The following PABIR3 variants were observed in gnomAD, a reference collection of about 807,000 sequenced individuals.
PABIR3 encodes PABIR family member 1.
PABIR3 carries 20 observed loss-of-function variants against 23.1 expected under a neutral mutation model. The observed-to-expected ratio is 0.86, with a 90% CI of 0.61 to 1.26. The LOEUF (loss-of-function observed/expected upper bound fraction) is 1.26. Ranked by LOEUF, PABIR3 falls within the 50% of genes most tolerant of loss-of-function variation. PABIR3 has a pLI of 0.00. For missense variants in PABIR3, 189 were observed against 195.4 expected (o/e 0.97, Z 0.20); for synonymous variants, 69 against 68.5 (o/e 1.01, Z -0.04).
intron 4 of PABIR3, among the ~76,000 whole-genome samples, chrX:134,836,954 A>T (rs1329804268): frequency 2.7e-5 from 3 of 111,611 alleles, no homozygotes; most frequent in Non-Finnish European, 5.6e-5. Context: ...CTGTAATTCC[A>T]GTGACTTGAG....
At chrX:134,844,149 T>G (rs2082356742) in intron 4 of PABIR3, 1 of 110,236 alleles carries the variant, frequency 9.1e-6, no homozygotes, top group Non-Finnish European at 1.9e-5. Context: ...GGTCTCGAAC[T>G]CCCAACCTCA....
rs1394034281 is a variant in PABIR3 at position 134,811,943 on chromosome X, C to A, written c.111-2828C>A. Among the ~76,000 whole-genome samples the A allele has an allele frequency of 2.7e-4, 30 of 112,313 alleles. No homozygotes were observed. The Admixed American group carries it at 2.8e-3, about 11-fold the overall frequency. On this transcript the variant is annotated intron_variant, in intron 2 of 10. Coordinates refer to ENST00000645433, the MANE Select transcript of PABIR3 (RefSeq NM_001388447.1). ...AAAATATTTACTCTCTGGCCCTTCG[C>A]AGAAAAAGTTTGCCCATCTTCTGGT...
intron 4 of PABIR3, among the ~76,000 whole-genome samples, chrX:134,831,058 A>C (rs1478783362): frequency 9.1e-6 from 1 of 109,311 alleles, no homozygotes; most frequent in African/African-American, 3.3e-5. Context: ...TAAGTTGCAT[A>C]TTTCTTTTTT....
rs2082731476 is a variant in PABIR3 at position 134,854,358 on chromosome X, C to A, written c.*141C>A. The A allele has an allele frequency of 4.5e-6, 3 of 673,540 alleles. No homozygotes were observed. The highest frequency in any genetic ancestry group is 6.0e-6 in the Non-Finnish European group (3 of 496,124). 55.5% of individuals were successfully genotyped at this position (673,540 alleles called of 1,213,427 possible). A position where few individuals can be genotyped will look rare whatever the true frequency, so the allele number is the denominator to read the frequency against. ...CTATCTCCTATTTATCTTTTTTCCT[C>A]AATTTCCTAAAATTCTATTTATCTA... On this transcript the variant is annotated 3_prime_UTR_variant, in exon 11 of 11. Transcript: ENST00000645433.
chrX:134,810,060 G>A (rs1288617158), intron 2 of PABIR3: 1 of 753,940 alleles, frequency 1.3e-6, no homozygotes, highest in Non-Finnish European at 1.6e-6. Flanking sequence ...CACTCTACTA[G>A]TAGAAGAGAG....
intron 3 of PABIR3, among the ~76,000 whole-genome samples, chrX:134,820,763 G>A (rs1217036173): frequency 2.7e-5 from 3 of 110,891 alleles, no homozygotes; most frequent in Non-Finnish European, 5.6e-5. Context: ...GCTCACGCCT[G>A]TAATCCCAGC....
intron 2 of PABIR3, 106 bp downstream of exon 2, chrX:134,807,814 G>GT: frequency 2.3e-6 from 2 of 859,634 alleles, no homozygotes. Context: ...GGTTCTGCAG[G>GT]TAACTCCCTT....
Position 134,843,562 on chromosome X carries a change from C to CTT in PABIR3, c.247-1621_247-1620dup, listed in dbSNP as rs140467304. Among the ~76,000 whole-genome samples, 34 of 42,211 alleles carry CTT rather than the reference C, an allele frequency of 8.1e-4. 1 individual carries two copies. The highest frequency in any genetic ancestry group is 1.3e-3 in the African/African-American group (14 of 10,457). 36.7% of individuals were successfully genotyped at this position (42,211 alleles called of 115,157 possible). On this transcript the variant is annotated intron_variant, in intron 4 of 10. Coordinates refer to ENST00000645433, the MANE Select transcript of PABIR3 (RefSeq NM_001388447.1). ...TCATGTATTATGTAAAGGCTTATTT[C>CTT]TTTTTTTTTTTTTTTTTTTTTTTGA... is the stretch of plus-strand genomic sequence containing the variant.
At chrX:134,800,518 G>T (rs1182077366) in intron 1 of PABIR3, among the ~76,000 whole-genome samples, 1 of 111,507 alleles carries the variant, frequency 9.0e-6, no homozygotes. Context: ...TTGGCCAGGC[G>T]TGGTGGCTCA....
chrX:134,861,511 A>G, the PABIR3 span, among the ~76,000 whole-genome samples: 1 of 105,285 alleles, frequency 9.5e-6, no homozygotes, highest in Non-Finnish European at 1.9e-5. Flanking sequence ...TCTCTACTAA[A>G]AATACAAAAA....
chrX:134,811,742 A>C (rs2080683072), intron 2 of PABIR3, among the ~76,000 whole-genome samples: 1 of 111,587 alleles, frequency 9.0e-6, no homozygotes, highest in Non-Finnish European at 1.9e-5. Flanking sequence ...CCTCAATTCT[A>C]TTTGAAAGGC....
intron 1 of PABIR3, among the ~76,000 whole-genome samples, chrX:134,797,977 G>A (rs997980420): frequency 5.4e-5 from 6 of 110,662 alleles, no homozygotes; most frequent in Non-Finnish European, 1.1e-4. Flanking sequence ...CTGCCACCAC[G>A]CCTGGTTAAT....
Position 134,821,642 on chromosome X carries a change from G to A in PABIR3, c.189+6793G>A, listed in dbSNP as rs1447327290. On this transcript the variant is annotated intron_variant, in intron 3 of 10. Coordinates refer to ENST00000645433, the MANE Select transcript of PABIR3 (RefSeq NM_001388447.1). ...AGGCCTACTGACATCTGTCTCATTA[G>A]GTTTTGCTTTTCCTATTGGCAACCA... 2.7e-6 allele frequency: 3 copies of A among 1,099,032 alleles called. No individual in the cohort carries two copies. The East Asian group carries it at 1.1e-4, about 41-fold the overall frequency. 90.6% of individuals were successfully genotyped at this position (1,099,032 alleles called of 1,213,427 possible). A position where few individuals can be genotyped will look rare whatever the true frequency, so the allele number is the denominator to read the frequency against.
upstream of PABIR3, among the ~76,000 whole-genome samples, chrX:134,806,888 G>A (rs2080267947): frequency 9.2e-6 from 1 of 108,372 alleles, no homozygotes; most frequent in South Asian, 4.1e-4. Context: ...AAGCTTGTTG[G>A]CCTCAGTCAT....
chrX:134,810,449 G>A (rs1280987504), intron 2 of PABIR3: 2 of 754,562 alleles, frequency 2.7e-6, no homozygotes, highest in Non-Finnish European at 3.1e-6. Flanking sequence ...ACCACAAAGT[G>A]GACGGAGTCC....
chrX:134,803,909 T>TTG (rs1306471261), upstream of PABIR3, among the ~76,000 whole-genome samples: 87 of 110,606 alleles, frequency 7.9e-4, no homozygotes, highest in African/African-American at 2.8e-3. Context: ...CTGCTAGTTT[T>TTG]TTTTTTTTTT....
intron 3 of PABIR3, among the ~76,000 whole-genome samples, chrX:134,827,843 C>A (rs759381904): frequency 1.8e-5 from 2 of 109,334 alleles, no homozygotes; most frequent in Non-Finnish European, 3.8e-5. Flanking sequence ...TCCTCAAGAC[C>A]CACACAGAGT....
At chrX:134,852,682 C>G in intron 9 of PABIR3, 118 bp from the exon 10 acceptor site, 1 of 409,105 alleles carries the variant, frequency 2.4e-6, no homozygotes, top group Non-Finnish European at 3.9e-6. Flanking sequence ...AAATTGTTTT[C>G]TTTGTGCTTT....
At chrX:134,822,755 C>T (rs2081344691) in intron 3 of PABIR3, 2 of 438,619 alleles carry the variant, frequency 4.6e-6, no homozygotes, top group Non-Finnish European at 5.7e-6. Context: ...ACAACAGACA[C>T]TAGGGTCTAC....
Sources: allele counts gnomAD v4.1 joint callset (sites outside exome capture counted in the v4.1 genomes callset), GRCh38; gene constraint gnomAD v4.1.1; transcripts MANE v1.5; gene names NCBI Gene and HGNC (gene_info 2026-07-23, HGNC 2026-07-21).